Variants in COPA observed in about 807,000 individuals in gnomAD.
COPA encodes coat protein complex I subunit alpha.
A neutral mutation model predicts 158.7 loss-of-function variants in COPA; 10 were observed. The observed-to-expected ratio is 0.06, with a 90% CI of 0.04 to 0.11. The LOEUF is 0.11. Ranked by LOEUF, COPA falls within the 10% of genes least tolerant of loss-of-function variation. The probability of loss-of-function intolerance (pLI) is 1.00; values close to 1 mark genes in which losing one functional copy is unlikely to be tolerated. For synonymous variants in COPA, 462 were observed against 542.8 expected (o/e 0.85, Z 2.07); for missense variants, 1,065 against 1,536.7 (o/e 0.69, Z 5.13).
At chr1:160,301,243 C>A (rs191894766) in intron 17 of COPA, among the ~76,000 whole-genome samples, 1 of 152,296 alleles carries the variant, frequency 6.6e-6, no homozygotes, top group African/African-American at 2.4e-5. Context: ...GCTGGCTGAG[C>A]ATCCCAAACA....
rs557892216 is a variant in COPA, at chr1:160,297,069, C to G, written c.2263+274G>C. Among the ~76,000 whole-genome samples, 4 of 152,304 alleles carry G rather than the reference C, an allele frequency of 2.6e-5. No individual in the cohort carries two copies. In the East Asian group the frequency reaches 7.7e-4, roughly 29 times the overall value. The stretch of plus-strand genomic sequence containing the variant: ...AATTCTAATGGCATCCAACCAAGTG[C>G]ATTTACTAGGGCGTCCACTCAAGAC... On this transcript the variant is annotated intron_variant, in intron 21 of 32. Coordinates refer to ENST00000241704, the MANE Select transcript of COPA (RefSeq NM_004371.4).
At chr1:160,291,627 T>C in intron 30 of COPA, 131 bp from the exon 31 acceptor site, 1 of 1,202,504 alleles carries the variant, frequency 8.3e-7, no homozygotes, top group Non-Finnish European at 1.2e-6. Flanking sequence ...AGAGGTCTTC[T>C]ACCTCCTAGG....
At chr1:160,337,025 C>T (rs894765059) in intron 3 of COPA, among the ~76,000 whole-genome samples, 1 of 152,194 alleles carries the variant, frequency 6.6e-6, no homozygotes, top group Non-Finnish European at 1.5e-5. Context: ...TTGCCTCTAT[C>T]TATTCAATCA....
intron 30 of COPA, 27 bp from the exon 31 acceptor site, chr1:160,291,523 C>T: frequency 6.2e-7 from 1 of 1,607,964 alleles, no homozygotes; most frequent in Admixed American, 1.7e-5. Context: ...GGAACACATG[C>T]CAGGTTGATG....
rs369770783 is a variant in COPA, at chr1:160,343,222, T to C, written c.-52A>G. On this transcript the variant is annotated 5_prime_UTR_variant, in exon 1 of 33. Coordinates refer to ENST00000241704, the MANE Select transcript of COPA (RefSeq NM_004371.4). ...TAATCCGAGCCCCGACACACCCTGC[T>C]GCCCTTCGGACGCCTCCACGTCAGC... The C allele has an allele frequency of 1.0e-4, 165 of 1,612,306 alleles. No homozygotes were observed. The African/African-American group carries it at 1.8e-3, about 18-fold the overall frequency.
intron 3 of COPA, among the ~76,000 whole-genome samples, chr1:160,336,800 T>C (rs74123119): frequency 0.014 from 2,106 of 152,302 alleles, 46 homozygotes; most frequent in African/African-American, 0.042. Flanking sequence ...CTTCAGTAAA[T>C]TATAAAAATT....
Position 160,307,167 on chromosome 1 carries a change from T to C in COPA, c.1298A>G (p.His433Arg), listed in dbSNP as rs766354950. Residue 433 changes from histidine (H) to arginine (R), a missense_variant, in exon 14 of 33, where the codon CAT becomes CGT. By Grantham distance (29) the His-to-Arg change is conservative. Around this residue, in one of 2 missense-constraint regions of COPA, gnomAD observed 980 missense variants for 1,357.8 expected, o/e 0.72. Transcript: ENST00000241704. ...CTGCTTTTAGTCTTAACTCACCGAA[T>C]GCATCCGATCTAGGACAGCAAACCG... ...RNRFAVLDRM[H>R]SLLIKNLKNE... The C allele has an allele frequency of 1.2e-6, 2 of 1,614,110 alleles. No individual in the cohort carries two copies. Among genetic ancestry groups the C allele is most frequent in the Non-Finnish European group, 1.7e-6 (2 of 1,179,992 alleles).
At chr1:160,312,381 T>TC (rs1658995650) in intron 10 of COPA, among the ~76,000 whole-genome samples, 1 of 152,114 alleles carries the variant, frequency 6.6e-6, no homozygotes. Flanking sequence ...TTTCCATCCT[T>TC]CCCCAGTCTC....
At position 160,290,670 on chromosome 1, in the gene COPA, G is replaced by C. The variant is rs530195912; in HGVS notation, c.3437C>G (p.Ser1146Cys). 1.2e-6 allele frequency: 2 copies of C among 1,614,158 alleles called. No individual in the cohort carries two copies. Among genetic ancestry groups the C allele is most frequent in the African/African-American group, 2.7e-5 (2 of 75,026 alleles). ...EVAQQTRKIL[S>C]ACEKNPTDAY... ...ATCTGTGGGATTCTTCTCACAGGCA[G>C]ACAGGATTTTTCGGGTCTAGGGGAA... The change falls in exon 32 of 33, where the codon TCT becomes TGT. Residue 1146 changes from serine (S) to cysteine (C), a missense_variant. Physicochemically the swap from Ser to Cys is moderately radical, Grantham distance 112 (BLOSUM62 -1). Around this residue, in one of 2 missense-constraint regions of COPA, gnomAD observed 980 missense variants for 1,357.8 expected, o/e 0.72. Coordinates refer to ENST00000241704, the MANE Select transcript of COPA (RefSeq NM_004371.4).
chr1:160,306,285 G>A (rs1000506041), intron 15 of COPA, 69 bp downstream of exon 15: 41 of 1,501,962 alleles, frequency 2.7e-5, no homozygotes, highest in Middle Eastern at 1.9e-4. Flanking sequence ...GGGGAAAAAA[G>A]GTTCCCACTA....
At chr1:160,302,512 A>C (rs80147369) in intron 17 of COPA, among the ~76,000 whole-genome samples, 304 of 151,848 alleles carry the variant, frequency 2.0e-3, no homozygotes, top group African/African-American at 6.9e-3. Flanking sequence ...TTCCAAACGA[A>C]ACCACAAACT....
intron 3 of COPA, 176 bp downstream of exon 3, chr1:160,339,733 T>C (rs1270764879): frequency 1.9e-6 from 1 of 519,924 alleles, no homozygotes; most frequent in Non-Finnish European, 3.4e-6. Context: ...AAGAAAACAG[T>C]GTCTGGTACA....
Position 160,309,122 on chromosome 1 carries a change from C to T in COPA, c.1198G>A (p.Ala400Thr). 1.2e-6 allele frequency: 2 copies of T among 1,613,632 alleles called. No individual in the cohort carries two copies. The highest frequency in any genetic ancestry group is 1.7e-6 in the Non-Finnish European group (2 of 1,179,624). ...TTACCATCAGGATTCTGGGAGTCAG[C>T]ATCTTTAGGGATGGTGTACAGGTCA... The part of the protein sequence containing the change: ...TYDLYTIPKD[A>T]DSQNPDAPEG... Residue 400 changes from alanine (A) to threonine (T), a missense_variant, in exon 13 of 33, where the codon GCT becomes ACT. Around this residue, in one of 2 missense-constraint regions of COPA, gnomAD observed 980 missense variants for 1,357.8 expected, o/e 0.72. Transcript: ENST00000241704.
intron 3 of COPA, among the ~76,000 whole-genome samples, chr1:160,335,883 CAAA>C (rs10562824): frequency 2.4e-4 from 16 of 68,002 alleles, no homozygotes; most frequent in African/African-American, 4.4e-4. Context: ...GACTCAGTCT[CAAA>C]AAAAAAAAAA....
intron 10 of COPA, 137 bp downstream of exon 10, chr1:160,312,948 T>C: frequency 1.4e-6 from 1 of 717,202 alleles, no homozygotes; most frequent in Non-Finnish European, 2.3e-6. Flanking sequence ...GGAGAAAAGC[T>C]TCAACTAAGT....
At chr1:160,339,847 T>C (rs371749296) in intron 3 of COPA, 62 bp downstream of exon 3, 10 of 1,485,488 alleles carry the variant, frequency 6.7e-6, no homozygotes, top group Non-Finnish European at 9.4e-6. Flanking sequence ...GTTCCTTTCA[T>C]GATTCCCAAA....
intron 6 of COPA, among the ~76,000 whole-genome samples, chr1:160,327,714 T>TG (rs1185370962): frequency 6.6e-6 from 1 of 150,890 alleles, no homozygotes; most frequent in Non-Finnish European, 1.5e-5. Flanking sequence ...AAAAATTAGC[T>TG]GGGTGTGGTG....
chr1:160,294,117 G>A lies in COPA; in HGVS notation c.2676+367C>T, dbSNP rs546547012. ...TTGGAGCATATCAGGATAGATGGAA[G>A]TGACAAGGCCACTAACTTTGACTCT... is the stretch of plus-strand genomic sequence containing the variant. On this transcript the variant is annotated intron_variant, in intron 25 of 32. Coordinates refer to ENST00000241704, the MANE Select transcript of COPA (RefSeq NM_004371.4). Among the ~76,000 whole-genome samples the A allele has an allele frequency of 7.2e-5, 11 of 152,318 alleles. No individual in the cohort carries two copies. The East Asian group carries it at 1.4e-3, about 19-fold the overall frequency.
chr1:160,309,277 C>A, intron 12 of COPA, 101 bp from the exon 13 acceptor site: 1 of 855,490 alleles, frequency 1.2e-6, no homozygotes, highest in African/African-American at 1.7e-5. Context: ...TGCACAGACA[C>A]CAATCTGAAA....
Sources: gnomAD v4.1 joint callset for allele counts (sites outside exome capture counted in the v4.1 genomes callset) on GRCh38, gnomAD v4.1.1 for gene constraint, gnomAD v4.1.1 regional missense constraint, MANE v1.5 for transcripts, NCBI Gene and HGNC (gene_info 2026-07-23, HGNC 2026-07-21) for gene names.